The following VAMP4 variants were observed in gnomAD, a reference collection of about 807,000 sequenced individuals.
VAMP4 encodes vesicle-associated membrane protein 4.
A neutral mutation model predicts 23.5 loss-of-function variants in VAMP4; 19 were observed. The observed-to-expected ratio is 0.81, with a 90% CI of 0.56 to 1.19. VAMP4 has a LOEUF of 1.19. VAMP4 is among the 50% of genes most tolerant of loss of function. The pLI is 0.00. For synonymous variants in VAMP4, 31 were observed against 51.0 expected (o/e 0.61, Z 1.67); for missense variants, 145 against 168.6 (o/e 0.86, Z 0.78).
intron 2 of VAMP4, among the ~76,000 whole-genome samples, chr1:171,737,418 T>G (rs1655779711): frequency 6.6e-6 from 1 of 152,214 alleles, no homozygotes; most frequent in African/African-American, 2.4e-5. Flanking sequence ...TGCGGCATAA[T>G]TTCTAGATTT....
At chr1:171,734,267 C>CAAA (rs35870022) in intron 2 of VAMP4, among the ~76,000 whole-genome samples, 5,563 of 79,250 alleles carry the variant, frequency 0.07, 260 homozygotes, top group African/African-American at 0.12. Flanking sequence ...GACTCCGTCT[C>CAAA]AAAAAAAAAA....
chr1:171,740,206 G>A lies in VAMP4; in HGVS notation c.-50+1704C>T, dbSNP rs1363401361. Among the ~76,000 whole-genome samples the A allele has an allele frequency of 3.3e-5, 5 of 152,202 alleles. No homozygotes were observed. In the East Asian group the frequency reaches 9.6e-4, roughly 29 times the overall value. On this transcript the variant is annotated intron_variant, in intron 1 of 7. Transcript: ENST00000236192. ...ATTAATCAATGGCTGTGCATTATCA[G>A]TTTTAATCATTTGTTCAATTAGTTG...
At chr1:171,713,677 T>A (rs1034627367) in intron 4 of VAMP4, among the ~76,000 whole-genome samples, 1 of 151,910 alleles carries the variant, frequency 6.6e-6, no homozygotes, top group Non-Finnish European at 1.5e-5. Context: ...TACAAAAAAA[T>A]TTAAAAATAA....
chr1:171,720,666 A>T (rs544992073), intron 3 of VAMP4, among the ~76,000 whole-genome samples: 11 of 152,176 alleles, frequency 7.2e-5, no homozygotes, highest in South Asian at 2.1e-4. Context: ...AATTATTTTT[A>T]AAAAATCCCC....
chr1:171,722,007 C>T (rs981840825), intron 3 of VAMP4, among the ~76,000 whole-genome samples: 1 of 152,174 alleles, frequency 6.6e-6, no homozygotes, highest in African/African-American at 2.4e-5. Context: ...TCAAACTATA[C>T]TACAAGGCTA....
rs1654823145 is a variant in VAMP4 at position 171,710,746 on chromosome 1, CCT to C, written c.231_232del (p.Arg80ThrfsTer3). The C allele has an allele frequency of 1.9e-6, 3 of 1,609,236 alleles. No homozygotes were observed. Among genetic ancestry groups the C allele is most frequent in the African/African-American group, 1.3e-5 (1 of 74,702 alleles). On this transcript the variant is annotated frameshift_variant, in exon 5 of 8. Transcript: ENST00000236192. LOFTEE classifies it high-confidence loss of function. ...GTCCTGTAGTTCATCTAGTCTCTCC[CCT>C]CTCTCAATTACCTTTGTAATATTTT...
chr1:171,713,464 G>C (rs576248291), intron 4 of VAMP4, among the ~76,000 whole-genome samples: 1 of 152,214 alleles, frequency 6.6e-6, no homozygotes, highest in Non-Finnish European at 1.5e-5. Context: ...GGCGCATTCA[G>C]GGTGGTATGG....
At chr1:171,715,214 G>A (rs1464876920) in intron 4 of VAMP4, among the ~76,000 whole-genome samples, 11 of 152,108 alleles carry the variant, frequency 7.2e-5, no homozygotes, top group African/African-American at 2.4e-4. Context: ...AATTAAGAAC[G>A]CAAAGGAAAA....
chr1:171,703,425 G>GTGTATA lies in VAMP4; in HGVS notation c.*1080_*1081insTATACA, dbSNP rs1330620854. 1.7e-3 allele frequency: 136 copies of GTGTATA among 80,576 alleles called. No individual in the cohort carries two copies. The highest frequency in any genetic ancestry group is 2.0e-3 in the African/African-American group (42 of 20,944). 5.0% of individuals were successfully genotyped at this position (80,576 alleles called of 1,614,324 possible). A position where few individuals can be genotyped will look rare whatever the true frequency, so the allele number is the denominator to read the frequency against. On this transcript the variant is annotated 3_prime_UTR_variant, in exon 8 of 8. Coordinates refer to ENST00000236192, the MANE Select transcript of VAMP4 (RefSeq NM_003762.5). Reference sequence around the variant, plus strand: ...TGTGTGTGTGTGTGTGTGTTTGTGTGTATATATATATATATATATATATAT... The same window carrying GTGTATA: ...TGTGTGTGTGTGTGTGTGTTTGTGTGTGTATATATATATATATATATATATATATAT...
chr1:171,722,865 G>T (rs1655240022), intron 3 of VAMP4, among the ~76,000 whole-genome samples: 1 of 152,058 alleles, frequency 6.6e-6, no homozygotes, highest in Non-Finnish European at 1.5e-5. Flanking sequence ...CAGGGATCTA[G>T]AACTAGAAAT....
intron 2 of VAMP4, among the ~76,000 whole-genome samples, chr1:171,734,727 A>G (rs1362426035): frequency 6.6e-6 from 1 of 152,200 alleles, no homozygotes; most frequent in Non-Finnish European, 1.5e-5. Flanking sequence ...ACTTCATAAT[A>G]TAATAAACAT....
At chr1:171,723,377 G>A (rs1655262067) in intron 3 of VAMP4, among the ~76,000 whole-genome samples, 1 of 151,722 alleles carries the variant, frequency 6.6e-6, no homozygotes, top group Admixed American at 6.6e-5. Context: ...TGGGAGACCA[G>A]GGCTTATTTC....
intron 2 of VAMP4, 22 bp downstream of exon 2, chr1:171,738,327 A>C: frequency 6.2e-7 from 1 of 1,610,136 alleles, no homozygotes; most frequent in Non-Finnish European, 8.5e-7. Context: ...TTTGTTTTTA[A>C]AGCTTAAGAT....
intron 6 of VAMP4, 113 bp downstream of exon 6, chr1:171,709,552 G>C (rs1384804784): frequency 1.1e-6 from 1 of 921,506 alleles, no homozygotes; most frequent in Non-Finnish European, 1.7e-6. Flanking sequence ...TCTCAGGACA[G>C]TTATAGGCCC....
At chr1:171,730,162 C>T (rs1270385517) in intron 2 of VAMP4, among the ~76,000 whole-genome samples, 1 of 152,178 alleles carries the variant, frequency 6.6e-6, no homozygotes, top group Non-Finnish European at 1.5e-5. Context: ...CTTCTGGTCA[C>T]CAGAACCATA....
Position 171,738,368 on chromosome 1 carries a change from C to T in VAMP4, c.47G>A (p.Gly16Asp). Reference sequence around the variant, plus strand: ...ACTTACCCTTTCACTTTTCACAGAACCTGTGACATCATCATCATTGAGGTG... The same window carrying T: ...ACTTACCCTTTCACTTTTCACAGAATCTGTGACATCATCATCATTGAGGTG... ...KRHLNDDDVT[G>D]SVKSERRNLL... Residue 16 changes from glycine (G) to aspartate (D), a missense_variant, in exon 2 of 8, where the codon GGT (glycine) becomes GAT (aspartate). By Grantham distance (94) the Gly-to-Asp change is moderately conservative. Coordinates refer to ENST00000236192, the MANE Select transcript of VAMP4 (RefSeq NM_003762.5). 6.2e-7 allele frequency: 1 copy of T among 1,614,072 alleles called. No individual in the cohort carries two copies. Among genetic ancestry groups the T allele is most frequent in the African/African-American group, 1.3e-5 (1 of 75,032 alleles).
chr1:171,712,670 C>T (rs950122846), intron 4 of VAMP4, among the ~76,000 whole-genome samples: 1 of 152,178 alleles, frequency 6.6e-6, no homozygotes, highest in African/African-American at 2.4e-5. Flanking sequence ...TCTGAAAGAA[C>T]CCCTAAATCT....
chr1:171,728,533 TC>T lies in VAMP4; in HGVS notation c.103del (p.Asp35ThrfsTer4). Reference protein sequence around the residue: ...LLEDDSDEEEDFFLRGPSGPR... With the variant: ...LLEDDSDEEEXFFLRGPSGPR... Reference sequence around the variant, plus strand: ...GTAAAAAAAAACTTACAGAAAAAAGTCCTCTTCTTCATCTGAATCATCTTCC... The same window carrying T: ...GTAAAAAAAAACTTACAGAAAAAAGTCTCTTCTTCATCTGAATCATCTTCC... On this transcript the variant is annotated frameshift_variant, in exon 3 of 8. Coordinates refer to ENST00000236192, the MANE Select transcript of VAMP4 (RefSeq NM_003762.5). LOFTEE classifies it high-confidence loss of function. 1 of 1,541,952 alleles carries T rather than the reference TC, an allele frequency of 6.5e-7. No individual in the cohort carries two copies. Among genetic ancestry groups the T allele is most frequent in the Non-Finnish European group, 8.7e-7 (1 of 1,146,068 alleles).
chr1:171,717,177 A>G (rs769533156), intron 4 of VAMP4, among the ~76,000 whole-genome samples: 2 of 152,162 alleles, frequency 1.3e-5, no homozygotes, highest in Non-Finnish European at 2.9e-5. Flanking sequence ...AGGATATCAG[A>G]CAGGAAACAG....
Sources: allele counts gnomAD v4.1 joint callset (sites outside exome capture counted in the v4.1 genomes callset), GRCh38; gene constraint gnomAD v4.1.1; transcripts MANE v1.5; gene names NCBI Gene and HGNC (gene_info 2026-07-23, HGNC 2026-07-21).